Variants in DLEU7 observed in about 807,000 individuals in gnomAD.
The protein encoded by DLEU7 is leukemia-associated protein 7.
In DLEU7, 17 loss-of-function variants were observed where a neutral mutation model predicts 16.0. That is an observed-to-expected ratio of 1.06 (90% CI 0.73 to 1.59). The LOEUF (loss-of-function observed/expected upper bound fraction) is 1.59, where lower values mean the gene tolerates loss of function less well. Ranked by LOEUF, DLEU7 falls within the 40% of genes most tolerant of loss-of-function variation. The pLI, the probability that DLEU7 is intolerant of heterozygous loss-of-function variation, is 0.00. For missense variants in DLEU7, 308 were observed against 314.9 expected, an observed-to-expected ratio of 0.98 and a Z score of 0.17; for synonymous variants, 113 against 139.8, an observed-to-expected ratio of 0.81 and a Z score of 1.35.
intron 1 of DLEU7, among the ~76,000 whole-genome samples, chr13:50,724,261 C>A (rs1402789863): frequency 6.6e-6 from 1 of 152,162 alleles, no homozygotes; most frequent in African/African-American, 2.4e-5. Flanking sequence ...AACTGTCTTT[C>A]AAAATAATGA....
rs990499647 is a variant in DLEU7 at position 50,726,644 on chromosome 13, A to G, written c.460-13404T>C. 6.6e-6 allele frequency among the ~76,000 whole-genome samples: 1 copy of G among 152,086 alleles called. No homozygotes were observed. Among genetic ancestry groups the G allele is most frequent in the Non-Finnish European group, 1.5e-5 (1 of 68,020 alleles). On this transcript the variant is annotated intron_variant, in intron 1 of 1. Transcript: ENST00000400393. This position sits in a 1 kb window ranked among gnomAD's most constrained non-coding sequence, Gnocchi z 4.0. The stretch of plus-strand genomic sequence containing the variant: ...TGTGGATCGCATGGGAGGTCTTTTC[A>G]TGTGTGTCATCGTTCTAAGAGCCCA...
Position 50,803,917 on chromosome 13 carries a change from T to G in DLEU7, c.459+39271A>C, listed in dbSNP as rs562034032. ...GATTTGTAATGGACTTAAAGAGATC[T>G]TCCTTACTACAATACTTTTAAAACT... On this transcript the variant is annotated intron_variant, in intron 1 of 1. Coordinates refer to the DLEU7 transcript ENST00000400393. 1.1e-3 allele frequency among the ~76,000 whole-genome samples: 161 copies of G among 152,258 alleles called. 1 individual carries two copies. The highest frequency in any genetic ancestry group is 3.6e-3 in the African/African-American group (150 of 41,576).
rs186707309 is a variant in DLEU7 at position 50,813,995 on chromosome 13, C to A, written c.459+29193G>T. Among the ~76,000 whole-genome samples, 54 of 152,216 alleles carry A rather than the reference C, an allele frequency of 3.5e-4. 1 individual carries two copies. The East Asian group carries it at 0.01, about 28-fold the overall frequency. Reference sequence around the variant, plus strand: ...TGGGAAAGAGAAGTCCACATATAGACGTTCATTCTGTCAGACCAAGGTGAG... The same window carrying A: ...TGGGAAAGAGAAGTCCACATATAGAAGTTCATTCTGTCAGACCAAGGTGAG... On this transcript the variant is annotated intron_variant, in intron 1 of 1. Coordinates refer to the DLEU7 transcript ENST00000400393.
At chr13:50,748,049 A>G (rs1008140994) in intron 1 of DLEU7, among the ~76,000 whole-genome samples, 4 of 152,228 alleles carry the variant, frequency 2.6e-5, no homozygotes, top group African/African-American at 9.6e-5. Flanking sequence ...CTCAAAATCA[A>G]GCGCACAAAC....
chr13:50,772,070 G>C (rs1169715173), intron 1 of DLEU7, among the ~76,000 whole-genome samples: 1 of 152,130 alleles, frequency 6.6e-6, no homozygotes, highest in Non-Finnish European at 1.5e-5. Flanking sequence ...TGTTTTATCA[G>C]AGACTAGGAT....
At chr13:50,794,436 G>T (rs1210754500) in intron 1 of DLEU7, among the ~76,000 whole-genome samples, 1 of 152,094 alleles carries the variant, frequency 6.6e-6, no homozygotes, top group African/African-American at 2.4e-5. Flanking sequence ...AAATTAACTT[G>T]CCCAAAGCCA....
chr13:50,784,567 A>T (rs561295230), intron 1 of DLEU7, among the ~76,000 whole-genome samples: 1 of 152,356 alleles, frequency 6.6e-6, no homozygotes, highest in African/African-American at 2.4e-5. Context: ...TGTCACACTC[A>T]GGAGAAGTGT....
At chr13:50,750,464 C>T (rs116002279) in intron 1 of DLEU7, among the ~76,000 whole-genome samples, 1,646 of 151,808 alleles carry the variant, frequency 0.011, 27 homozygotes, top group African/African-American at 0.038. Context: ...TTTTCTAATT[C>T]GGTGAAGAAT....
At chr13:50,718,710 A>C (rs1873507113) in intron 1 of DLEU7, among the ~76,000 whole-genome samples, 1 of 152,232 alleles carries the variant, frequency 6.6e-6, no homozygotes, top group Admixed American at 6.5e-5. Flanking sequence ...TTATTCATTA[A>C]AGTCCTTTTG....
At chr13:50,790,847 CTT>C (rs1191042149) in intron 1 of DLEU7, among the ~76,000 whole-genome samples, 1 of 152,112 alleles carries the variant, frequency 6.6e-6, no homozygotes, top group African/African-American at 2.4e-5. Flanking sequence ...AGGGCTGAGG[CTT>C]TGTGCTCTTT....
At position 50,764,053 on chromosome 13, in the gene DLEU7, A is replaced by G. The variant is rs142644973; in HGVS notation, c.460-50813T>C. On this transcript the variant is annotated intron_variant, in intron 1 of 1. Coordinates refer to the DLEU7 transcript ENST00000400393. Reference sequence around the variant, plus strand: ...ACTGCATTTAAGGCACTGCAGGTAGAGTGTACTAGAACGCACATGGGCTTT... The same window carrying G: ...ACTGCATTTAAGGCACTGCAGGTAGGGTGTACTAGAACGCACATGGGCTTT... Among the ~76,000 whole-genome samples the G allele has an allele frequency of 1.1e-3, 162 of 152,338 alleles. 1 individual carries two copies. Among genetic ancestry groups the G allele is most frequent in the African/African-American group, 3.8e-3 (159 of 41,582 alleles).
At chr13:50,738,143 G>C (rs573329732) in intron 1 of DLEU7, among the ~76,000 whole-genome samples, 16 of 152,268 alleles carry the variant, frequency 1.1e-4, no homozygotes, top group Non-Finnish European at 1.9e-4. Context: ...GGCTAAGAAA[G>C]CTGCAGAAGA....
chr13:50,742,618 C>T (rs1033706640), intron 1 of DLEU7, among the ~76,000 whole-genome samples: 1 of 152,082 alleles, frequency 6.6e-6, no homozygotes, highest in Non-Finnish European at 1.5e-5. Context: ...CCCCAAGGCA[C>T]CAAGATGAAG....
rs556761618 is a variant in DLEU7, at chr13:50,806,976, C to CAAAAAAA, written c.459+36205_459+36211dup. Among the ~76,000 whole-genome samples, 136 of 54,106 alleles carry CAAAAAAA rather than the reference C, an allele frequency of 2.5e-3. 2 individuals are homozygous for CAAAAAAA. Among genetic ancestry groups the CAAAAAAA allele is most frequent in the Middle Eastern group, 0.013 (1 of 76 alleles). 35.5% of individuals were successfully genotyped at this position (54,106 alleles called of 152,430 possible). On this transcript the variant is annotated intron_variant, in intron 1 of 1. Transcript: ENST00000400393. ...TGGGTGACAGAGCTAGACTCCCTCT[C>CAAAAAAA]AAAAAAAAAAAAAAAAAAAAAAGTC...
chr13:50,823,922 GC>G (rs1223532193), intron 1 of DLEU7, among the ~76,000 whole-genome samples: 1 of 152,214 alleles, frequency 6.6e-6, no homozygotes, highest in Non-Finnish European at 1.5e-5. Flanking sequence ...GATTAAAAGA[GC>G]CAGATTCTAA....
intron 1 of DLEU7, among the ~76,000 whole-genome samples, chr13:50,759,967 C>G (rs898165867): frequency 1.1e-4 from 16 of 152,188 alleles, no homozygotes; most frequent in African/African-American, 3.9e-4. Flanking sequence ...TAGTGACCCC[C>G]CATGTAGCTC....
Position 50,726,398 on chromosome 13 carries a change from G to A in DLEU7, c.460-13158C>T, listed in dbSNP as rs1214126877. ...TCCCCCTGGGAACCAGCCTGCAACA[G>A]CCACCTGACTTTCCCGCCTCCTCCT... On this transcript the variant is annotated intron_variant, in intron 1 of 1. Coordinates refer to the DLEU7 transcript ENST00000400393. The surrounding 1 kb of genome is among the most constrained non-coding windows in gnomAD (Gnocchi z 4.0). Among the ~76,000 whole-genome samples the A allele has an allele frequency of 6.6e-6, 1 of 151,638 alleles. No homozygotes were observed. The highest frequency in any genetic ancestry group is 1.5e-5 in the Non-Finnish European group (1 of 67,984).
chr13:50,823,613 C>T (rs914112601), intron 1 of DLEU7, 93 bp from the exon 2 acceptor site: 15 of 1,402,328 alleles, frequency 1.1e-5, no homozygotes, highest in Middle Eastern at 4.0e-4. Flanking sequence ...CTTTTCTCTT[C>T]TGGTGACAGC....
chr13:50,744,699 AAAG>A (rs1874344810), intron 1 of DLEU7, among the ~76,000 whole-genome samples: 1 of 152,254 alleles, frequency 6.6e-6, no homozygotes, highest in South Asian at 2.1e-4. Flanking sequence ...CAAAATATAT[AAAG>A]AACTCCTACG....
Sources: gnomAD v4.1 joint callset for allele counts (sites outside exome capture counted in the v4.1 genomes callset) on GRCh38, gnomAD v4.1.1 for gene constraint, Gnocchi (gnomAD v3.1) non-coding constraint, MANE v1.5 for transcripts, NCBI Gene and HGNC (gene_info 2026-07-23, HGNC 2026-07-21) for gene names.